EDNRA: variants seen among roughly 807,000 people sequenced by gnomAD.
EDNRA encodes the protein endothelin-1 receptor.
EDNRA carries 11 observed loss-of-function variants against 41.4 expected under a neutral mutation model. That is an observed-to-expected ratio of 0.27 (90% CI 0.17 to 0.44). The LOEUF is 0.44. EDNRA is among the 20% of genes least tolerant of loss of function. The probability of loss-of-function intolerance (pLI) is 1.00; values close to 1 mark genes in which losing one functional copy is unlikely to be tolerated. For missense variants in EDNRA, 294 were observed against 531.0 expected, an observed-to-expected ratio of 0.55 and a Z score of 4.39; for synonymous variants, 172 against 183.0, an observed-to-expected ratio of 0.94 and a Z score of 0.49.
rs1731063009 is a variant in EDNRA at position 147,540,545 on chromosome 4, C to T, written c.1143+60C>T. On this transcript the variant is annotated intron_variant, in intron 7 of 7. Transcript: ENST00000651419. ...CAAAATGAGTATATTAAACAGTCAA[C>T]AGACACAGCCAATTCCAGTTGTAAT... The T allele has an allele frequency of 4.4e-6, 5 of 1,132,826 alleles. No individual in the cohort carries two copies. In the South Asian group the frequency reaches 7.3e-5, roughly 17 times the overall value. 70.2% of individuals were successfully genotyped at this position (1,132,826 alleles called of 1,614,324 possible).
At chr4:147,540,034 A>G (rs913542360) in intron 6 of EDNRA, 84 bp downstream of exon 6, 6 of 1,502,082 alleles carry the variant, frequency 4.0e-6, no homozygotes, top group South Asian at 2.8e-5. Context: ...GCTACTCTAC[A>G]TGCCCGTTAG....
At chr4:147,539,737 T>A in intron 5 of EDNRA, 80 bp from the exon 6 acceptor site, 8 of 1,471,452 alleles carry the variant, frequency 5.4e-6, no homozygotes, top group Non-Finnish European at 7.3e-6. Flanking sequence ...TGGTGTCTGC[T>A]ACTTCTTGGT....
intron 6 of EDNRA, 139 bp downstream of exon 6, chr4:147,540,089 C>G: frequency 4.1e-6 from 5 of 1,227,092 alleles, no homozygotes; most frequent in Non-Finnish European, 5.5e-6. Flanking sequence ...CTTTAGCTGA[C>G]ATAGCCTATA....
chr4:147,543,376 G>A lies in EDNRA; in HGVS notation c.*758G>A, dbSNP rs201560525. 1 of 152,064 alleles carries A rather than the reference G, an allele frequency of 6.6e-6. No homozygotes were observed. The highest frequency in any genetic ancestry group is 2.4e-5 in the African/African-American group (1 of 41,418). The allele number at this position is 152,064 out of a possible 1,614,324, so 9.4% of individuals were successfully genotyped here. On this transcript the variant is annotated 3_prime_UTR_variant, in exon 8 of 8. Transcript: ENST00000651419. ...AGAACTGTATTTTATTTTTTAAATG[G>A]TGTTTTATTACAAGGGACCTTGAAC...
At chr4:147,536,498 T>G (rs999200882) in intron 5 of EDNRA, among the ~76,000 whole-genome samples, 2 of 152,206 alleles carry the variant, frequency 1.3e-5, no homozygotes, top group Non-Finnish European at 2.9e-5. Flanking sequence ...ATGGGGAAGC[T>G]GTTCATGGAT....
chr4:147,488,503 ATAGG>A (rs777865982), intron 2 of EDNRA: 20 of 151,894 alleles, frequency 1.3e-4, no homozygotes, highest in Non-Finnish European at 1.8e-4. Context: ...CTTTTACATC[ATAGG>A]TAGGAGTACA....
rs970532741 is a variant in EDNRA, at chr4:147,486,346, T to C, written c.420+245T>C. ...GGGATGATGGTTCAAAATCATGGTG[T>C]TTCATGACTTGGATTCTCATGCCAC... On this transcript the variant is annotated intron_variant, in intron 2 of 7. Coordinates refer to ENST00000651419, the MANE Select transcript of EDNRA (RefSeq NM_001957.4). The surrounding 1 kb of genome is among the most constrained non-coding windows in gnomAD (Gnocchi z 4.3). 3.9e-5 allele frequency among the ~76,000 whole-genome samples: 6 copies of C among 152,192 alleles called. No homozygotes were observed. Among genetic ancestry groups the C allele is most frequent in the African/African-American group, 1.4e-4 (6 of 41,456 alleles).
chr4:147,526,914 C>T (rs1730575678), intron 3 of EDNRA, among the ~76,000 whole-genome samples: 1 of 152,214 alleles, frequency 6.6e-6, no homozygotes, highest in South Asian at 2.1e-4. Context: ...TGTGCCACTG[C>T]ACTTCAGCCT....
intron 3 of EDNRA, among the ~76,000 whole-genome samples, chr4:147,525,301 C>T (rs1350095443): frequency 6.6e-6 from 1 of 152,192 alleles, no homozygotes; most frequent in Non-Finnish European, 1.5e-5. Context: ...CTAATTTCAA[C>T]TATGGACTTG....
At chr4:147,534,144 C>G (rs1352403730) in intron 4 of EDNRA, among the ~76,000 whole-genome samples, 2 of 152,138 alleles carry the variant, frequency 1.3e-5, no homozygotes, top group Admixed American at 1.3e-4. Flanking sequence ...TCCATTCAGC[C>G]CTCTCAAGGG....
chr4:147,541,347 T>G (rs1731097523), intron 7 of EDNRA, among the ~76,000 whole-genome samples: 1 of 152,212 alleles, frequency 6.6e-6, no homozygotes, highest in Non-Finnish European at 1.5e-5. Context: ...TTTTGTTATC[T>G]TGGACCAGGC....
chr4:147,520,011 G>A, intron 3 of EDNRA, 33 bp downstream of exon 3: 1 of 1,580,590 alleles, frequency 6.3e-7, no homozygotes, highest in South Asian at 1.2e-5. Context: ...CTCTTTGGCT[G>A]GGCTTAGAAA....
intron 2 of EDNRA, among the ~76,000 whole-genome samples, chr4:147,513,348 T>C (rs1356373773): frequency 1.3e-5 from 2 of 152,238 alleles, no homozygotes; most frequent in Non-Finnish European, 2.9e-5. Flanking sequence ...GGATAGGGGA[T>C]AGGGAGAGGC....
At chr4:147,481,827 A>C (rs1728769537) in intron 1 of EDNRA, among the ~76,000 whole-genome samples, 1 of 152,158 alleles carries the variant, frequency 6.6e-6, no homozygotes, top group African/African-American at 2.4e-5. Flanking sequence ...GGGTATGCCA[A>C]GGGTAGCCAA....
chr4:147,498,948 C>T (rs548616063), intron 2 of EDNRA, among the ~76,000 whole-genome samples: 1 of 152,272 alleles, frequency 6.6e-6, no homozygotes, highest in Admixed American at 6.5e-5. Context: ...TGCCTTAACC[C>T]CAAGAAGTAA....
At chr4:147,522,172 A>G (rs1730347163) in intron 3 of EDNRA, among the ~76,000 whole-genome samples, 1 of 152,192 alleles carries the variant, frequency 6.6e-6, no homozygotes, top group South Asian at 2.1e-4. Context: ...GTACATATCA[A>G]TAATAATATT....
intron 2 of EDNRA, chr4:147,506,466 G>A (rs1410180446): frequency 2.8e-6 from 1 of 353,792 alleles, no homozygotes; most frequent in African/African-American, 2.2e-5. Context: ...ACTGGACAAA[G>A]TTGTAACAGC....
intron 3 of EDNRA, among the ~76,000 whole-genome samples, chr4:147,524,771 G>A (rs1003664598): frequency 3.9e-5 from 6 of 152,050 alleles, no homozygotes; most frequent in Admixed American, 3.9e-4. Flanking sequence ...TGTATGTAGG[G>A]AATCTATTTG....
At chr4:147,514,608 G>A (rs1730044415) in intron 2 of EDNRA, among the ~76,000 whole-genome samples, 1 of 151,970 alleles carries the variant, frequency 6.6e-6, no homozygotes, top group Admixed American at 6.6e-5. Context: ...CAAGTAGCTG[G>A]GATTATAGGC....
Sources: gnomAD v4.1 joint callset for allele counts (sites outside exome capture counted in the v4.1 genomes callset) on GRCh38, gnomAD v4.1.1 for gene constraint, Gnocchi (gnomAD v3.1) non-coding constraint, MANE v1.5 for transcripts, NCBI Gene and HGNC (gene_info 2026-07-23, HGNC 2026-07-21) for gene names.